Variants in HTR4 observed in about 807,000 individuals in gnomAD.
HTR4 encodes 5-hydroxytryptamine (serotonin) receptor 4, G protein-coupled.
Under a neutral mutation model 36.8 loss-of-function variants are expected in HTR4, and 16 were observed. That is an observed-to-expected ratio of 0.43 (90% CI 0.29 to 0.66). The LOEUF (loss-of-function observed/expected upper bound fraction) is 0.66. Ranked by LOEUF, HTR4 falls within the 30% of genes least tolerant of loss-of-function variation. The pLI is 0.13. For missense variants in HTR4, 438 were observed against 490.9 expected, an observed-to-expected ratio of 0.89 and a Z score of 1.02; for synonymous variants, 189 against 185.1, an observed-to-expected ratio of 1.02 and a Z score of -0.17.
chr5:148,564,419 A>G (rs1423739659), intron 2 of HTR4, among the ~76,000 whole-genome samples: 1 of 152,200 alleles, frequency 6.6e-6, no homozygotes, highest in Non-Finnish European at 1.5e-5. Flanking sequence ...ATTGTTATTT[A>G]AAGATCTGTG....
chr5:148,600,976 C>CAAAAAA (rs58003522), intron 2 of HTR4, among the ~76,000 whole-genome samples: 21 of 13,550 alleles, frequency 1.5e-3, no homozygotes, highest in Non-Finnish European at 1.6e-3. Flanking sequence ...AACTCAATAG[C>CAAAAAA]AAAAAAAAAA....
chr5:148,608,293 C>T (rs950219264), intron 2 of HTR4, among the ~76,000 whole-genome samples: 5 of 151,990 alleles, frequency 3.3e-5, no homozygotes, highest in African/African-American at 1.2e-4. Flanking sequence ...AACAAACAGG[C>T]AATTATCATA....
intron 2 of HTR4, among the ~76,000 whole-genome samples, chr5:148,604,227 G>A (rs1389312581): frequency 1.3e-5 from 2 of 152,080 alleles, no homozygotes; most frequent in African/African-American, 2.4e-5. Context: ...ACCTTCAAAA[G>A]AGTGGGAGAA....
At chr5:148,476,686 G>A, downstream of HTR4, 1 of 1,586,970 alleles carries the variant, frequency 6.3e-7, no homozygotes, top group Non-Finnish European at 8.6e-7. Flanking sequence ...ACCTGTGTTG[G>A]GCACTAAGAA....
intron 2 of HTR4, among the ~76,000 whole-genome samples, chr5:148,580,048 A>T (rs1387559884): frequency 6.6e-6 from 1 of 152,024 alleles, no homozygotes; most frequent in Non-Finnish European, 1.5e-5. Context: ...TACTCCAGGG[A>T]GCAGGATATC....
At position 148,486,339 on chromosome 5, in the gene HTR4, C is replaced by T. The variant is rs75072298; in HGVS notation, c.1077-3046G>A. ...AGACCTCCTTCCTGTGCAATAAGAT[C>T]ATCCTCAGTGCACATGGCTTTAACA... is the stretch of plus-strand genomic sequence containing the variant. On this transcript the variant is annotated intron_variant, in intron 6 of 6. Transcript: ENST00000377888. Among the ~76,000 whole-genome samples, 169 of 152,256 alleles carry T rather than the reference C, an allele frequency of 1.1e-3. No homozygotes were observed. The East Asian group carries it at 0.027, about 24-fold the overall frequency.
At position 148,548,525 on chromosome 5, in the gene HTR4, G is replaced by C. The variant is rs553216272; in HGVS notation, c.353+143C>G. ...AAAGGGGGCCTCTGCAAAGGCTGGA[G>C]AATGACTGTATAACTGAATTATCAA... On this transcript the variant is annotated intron_variant, in intron 4 of 6. Transcript: ENST00000377888. 50 of 740,124 alleles carry C rather than the reference G, an allele frequency of 6.8e-5. No individual in the cohort carries two copies. The African/African-American group carries it at 7.3e-4, about 11-fold the overall frequency. 45.8% of individuals were successfully genotyped at this position (740,124 alleles called of 1,614,324 possible).
chr5:148,512,028 ATG>A (rs1757523859), intron 5 of HTR4, among the ~76,000 whole-genome samples: 3 of 152,334 alleles, frequency 2.0e-5, no homozygotes, highest in East Asian at 3.9e-4. Context: ...TTTGGAAAGC[ATG>A]TGAGACTGAG....
intron 2 of HTR4, among the ~76,000 whole-genome samples, chr5:148,559,757 CAA>C (rs1207672493): frequency 6.6e-6 from 1 of 152,040 alleles, no homozygotes; most frequent in African/African-American, 2.4e-5. Flanking sequence ...AACAGAATGC[CAA>C]AGACACTGCT....
intron 1 of HTR4, among the ~76,000 whole-genome samples, chr5:148,643,708 C>T (rs1753793127): frequency 6.6e-6 from 1 of 152,130 alleles, no homozygotes; most frequent in South Asian, 2.1e-4. Context: ...GAATAATTAG[C>T]TTTGTCTTTG....
At chr5:148,611,632 T>A (rs1752432690) in intron 2 of HTR4, among the ~76,000 whole-genome samples, 1 of 145,612 alleles carries the variant, frequency 6.9e-6, no homozygotes, top group South Asian at 2.3e-4. Context: ...ACGAGCAAAA[T>A]CACCAGCTAA....
chr5:148,612,842 G>C (rs1458414659), intron 2 of HTR4, among the ~76,000 whole-genome samples: 4 of 143,082 alleles, frequency 2.8e-5, no homozygotes, highest in Non-Finnish European at 6.1e-5. Flanking sequence ...AAATGATAAA[G>C]GGGATATCAC....
At chr5:148,583,696 A>G (rs998263932) in intron 2 of HTR4, among the ~76,000 whole-genome samples, 1 of 152,120 alleles carries the variant, frequency 6.6e-6, no homozygotes, top group Admixed American at 6.6e-5. Context: ...AAAAGTGTCC[A>G]GTAGCACCTA....
At chr5:148,605,254 TTC>T (rs869066102) in intron 2 of HTR4, among the ~76,000 whole-genome samples, 2,780 of 51,968 alleles carry the variant, frequency 0.053, 75 homozygotes, top group Non-Finnish European at 0.072. Flanking sequence ...TTCTTTTCTT[TTC>T]TTTTTTTTTT....
rs1346267786 is a variant in HTR4, at chr5:148,614,200, C to G, written c.26+22789G>C. On this transcript the variant is annotated intron_variant, in intron 2 of 6. Transcript: ENST00000377888. ...AAACTACTTTCAAGTTCATATGGAA[C>G]CAAAAAAGAGCCTGCATTGCCAAGT... is the stretch of plus-strand genomic sequence containing the variant. 3.3e-5 allele frequency among the ~76,000 whole-genome samples: 5 copies of G among 152,200 alleles called. No individual in the cohort carries two copies. The East Asian group carries it at 7.7e-4, about 23-fold the overall frequency.
intron 2 of HTR4, among the ~76,000 whole-genome samples, chr5:148,593,624 C>T (rs1022175634): frequency 6.6e-6 from 1 of 152,144 alleles, no homozygotes; most frequent in African/African-American, 2.4e-5. Context: ...GCTTCTGCCA[C>T]AAGACTTAAC....
chr5:148,587,298 T>G (rs903701507), intron 2 of HTR4, among the ~76,000 whole-genome samples: 4 of 152,188 alleles, frequency 2.6e-5, no homozygotes, highest in Non-Finnish European at 5.9e-5. Flanking sequence ...TTTTCTCACC[T>G]TTTTCACTTG....
chr5:148,570,102 C>A (rs1037206499), intron 2 of HTR4, among the ~76,000 whole-genome samples: 5 of 152,072 alleles, frequency 3.3e-5, no homozygotes, highest in African/African-American at 4.8e-5. Context: ...CTCCAAGCAG[C>A]TGGGTGTGAG....
intron 2 of HTR4, among the ~76,000 whole-genome samples, chr5:148,562,018 T>C (rs933939388): frequency 3.9e-5 from 6 of 152,212 alleles, no homozygotes; most frequent in African/African-American, 1.4e-4. Flanking sequence ...CCTCTGATAA[T>C]GCAAAAAATC....
Sources: gnomAD v4.1 joint callset for allele counts (sites outside exome capture counted in the v4.1 genomes callset) on GRCh38, gnomAD v4.1.1 for gene constraint, MANE v1.5 for transcripts, NCBI Gene and HGNC (gene_info 2026-07-23, HGNC 2026-07-21) for gene names.